The following PLXNA2 variants were observed in gnomAD, a reference collection of about 807,000 sequenced individuals.
The protein encoded by PLXNA2 is plexin A2, also known as plexin-A2.
Under a neutral mutation model 193.5 loss-of-function variants are expected in PLXNA2, and 91 were observed. The ratio of observed to expected loss-of-function variants is 0.47; its 90% confidence interval spans 0.40 to 0.56. The LOEUF is 0.56. PLXNA2 is among the 20% of genes least tolerant of loss of function. The pLI is 0.00. For synonymous variants in PLXNA2, 997 were observed against 1,027.3 expected (o/e 0.97, Z 0.56); for missense variants, 1,995 against 2,503.2 (o/e 0.80, Z 4.33).
chr1:208,131,676 G>A (rs1668159928), intron 4 of PLXNA2, among the ~76,000 whole-genome samples: 1 of 152,202 alleles, frequency 6.6e-6, no homozygotes, highest in Non-Finnish European at 1.5e-5. Flanking sequence ...ACTTGAAACA[G>A]CACCAGAGAA....
Position 208,042,314 on chromosome 1 carries a change from T to G in PLXNA2, c.4070A>C (p.Gln1357Pro), listed in dbSNP as rs765761827. The G allele has an allele frequency of 4.3e-6, 7 of 1,614,210 alleles. No homozygotes were observed. Among genetic ancestry groups the G allele is most frequent in the Middle Eastern group, 1.6e-4 (1 of 6,062 alleles). ...HVEKALKLFA[Q>P]LINNKVFLLT... Reference sequence around the variant, plus strand: ...CAGGAACACCTTGTTGTTGATGAGCTGGGCAAAGAGCTTCAGGGCCTTCTC... The same window carrying G: ...CAGGAACACCTTGTTGTTGATGAGCGGGGCAAAGAGCTTCAGGGCCTTCTC... The change falls in exon 22 of 32, where the codon CAG becomes CCG. Residue 1357 changes from glutamine to proline, a missense_variant. Gln to Pro is a moderately conservative substitution (Grantham distance 76, BLOSUM62 -1). Transcript: ENST00000367033.
At chr1:208,055,295 C>T (rs1218300460) in intron 13 of PLXNA2, among the ~76,000 whole-genome samples, 1 of 152,106 alleles carries the variant, frequency 6.6e-6, no homozygotes, top group African/African-American at 2.4e-5. Flanking sequence ...CTCGAGCAGC[C>T]CAGATCAATA....
chr1:208,043,759 G>A (rs908445427), intron 20 of PLXNA2, among the ~76,000 whole-genome samples: 2 of 152,224 alleles, frequency 1.3e-5, no homozygotes, highest in African/African-American at 4.8e-5. Context: ...TTGCCAGGAG[G>A]AACCTTGGCT....
rs1670898648 is a variant in PLXNA2, at chr1:208,210,374, G to A, written c.1277C>T (p.Thr426Ile). 6.2e-7 allele frequency: 1 copy of A among 1,613,924 alleles called. No homozygotes were observed. The highest frequency in any genetic ancestry group is 1.7e-5 in the Admixed American group (1 of 59,998). Residue 426 changes from threonine (T) to isoleucine (I), a missense_variant, in exon 3 of 32, where the codon ACC becomes ATC. Physicochemically the swap from Thr to Ile is moderately conservative, Grantham distance 89 (BLOSUM62 -1). Around this residue, in one of 3 missense-constraint regions of PLXNA2, gnomAD observed 702 missense variants for 812.9 expected, o/e 0.86. Transcript: ENST00000367033. ...AGAGGTCATGCGGTCCCTGCTGGTG[G>A]TGTACAGGGTCAGGCCCTCCACTGG... Reference protein sequence around the residue: ...STPVEGLTLYTTSRDRMTSVA... With the variant: ...STPVEGLTLYITSRDRMTSVA...
At position 208,051,155 on chromosome 1, in the gene PLXNA2, G is replaced by A. The variant is rs1014138139; in HGVS notation, c.3162-53C>T. On this transcript the variant is annotated intron_variant, in intron 16 of 31. Coordinates refer to ENST00000367033, the MANE Select transcript of PLXNA2 (RefSeq NM_025179.4). ...TAAAAAACCCCCTCAAATCTGGCATGGTGAACCTCCACCTTAGGGATCCCT... is the reference window on the plus strand; with the variant it reads ...TAAAAAACCCCCTCAAATCTGGCATAGTGAACCTCCACCTTAGGGATCCCT... 4 of 1,594,680 alleles carry A rather than the reference G, an allele frequency of 2.5e-6. No homozygotes were observed. The South Asian group carries it at 4.4e-5, about 18-fold the overall frequency.
chr1:208,049,288 A>G (rs980366332), intron 17 of PLXNA2, among the ~76,000 whole-genome samples: 7 of 145,726 alleles, frequency 4.8e-5, no homozygotes, highest in African/African-American at 1.8e-4. Context: ...ATTTTAAAAC[A>G]TGTACCTAAT....
intron 3 of PLXNA2, among the ~76,000 whole-genome samples, chr1:208,165,834 G>A (rs1432994836): frequency 6.6e-6 from 1 of 152,114 alleles, no homozygotes; most frequent in Non-Finnish European, 1.5e-5. Flanking sequence ...CAGGACATCT[G>A]GGTCTCATTT....
In PLXNA2 at chr1:208,065,739, G is replaced by C. The variant is rs368812671; in HGVS notation, c.2587-4902C>G. ...CCCGAAGCCTGAGCTTGGGCAGGGA[G>C]TAGTGATGCCGCCAGAGCAGGGCCC... On this transcript the variant is annotated intron_variant, in intron 12 of 31. Coordinates refer to ENST00000367033, the MANE Select transcript of PLXNA2 (RefSeq NM_025179.4). 2.3e-4 allele frequency among the ~76,000 whole-genome samples: 35 copies of C among 152,352 alleles called. 1 individual carries two copies. In the East Asian group the frequency reaches 6.7e-3, roughly 29 times the overall value.
chr1:208,233,603 C>T (rs1341782934), intron 1 of PLXNA2, among the ~76,000 whole-genome samples: 1 of 152,234 alleles, frequency 6.6e-6, no homozygotes, highest in Non-Finnish European at 1.5e-5. Flanking sequence ...CTCCCAGGTG[C>T]ATGGTGTGCA....
intron 1 of PLXNA2, chr1:208,230,212 TTC>T (rs1396055954): frequency 6.6e-6 from 1 of 152,128 alleles, no homozygotes; most frequent in Non-Finnish European, 1.5e-5. Flanking sequence ...ACTCCGAGGG[TTC>T]TGTTTTAGCT....
intron 2 of PLXNA2, among the ~76,000 whole-genome samples, chr1:208,215,539 G>A (rs911805788): frequency 1.5e-5 from 2 of 133,892 alleles, no homozygotes; most frequent in African/African-American, 5.1e-5. Context: ...ATGGATGAAG[G>A]GATGGAGGAA....
At chr1:208,203,063 AAGG>A (rs2102586400) in intron 3 of PLXNA2, among the ~76,000 whole-genome samples, 1 of 152,336 alleles carries the variant, frequency 6.6e-6, no homozygotes, top group African/African-American at 2.4e-5. Flanking sequence ...ATGGTCAAGC[AAGG>A]AGATGTGCTG....
At position 208,038,958 on chromosome 1, in the gene PLXNA2, G is replaced by A. The variant is rs1274126534; in HGVS notation, c.4527C>T (p.Asn1509=). The change falls in exon 25 of 32, where the codon AAC becomes AAT. Residue 1509 remains asparagine (N), a synonymous_variant. Coordinates refer to ENST00000367033, the MANE Select transcript of PLXNA2 (RefSeq NM_025179.4). The surrounding 1 kb of genome is among the most constrained non-coding windows in gnomAD (Gnocchi z 4.1). ...TLILNCVNPD[N]ENSPEIPVKV... is the part of the protein sequence containing the mutation. Reference sequence around the variant, plus strand: ...TCACTGGGATCTCTGGACTGTTCTCGTTGTCAGGGTTGACGCAGTTCAGGA... The same window carrying A: ...TCACTGGGATCTCTGGACTGTTCTCATTGTCAGGGTTGACGCAGTTCAGGA... 7.6e-5 allele frequency: 123 copies of A among 1,613,856 alleles called. No individual in the cohort carries two copies. Among genetic ancestry groups the A allele is most frequent in the Non-Finnish European group, 1.0e-4 (122 of 1,179,962 alleles).
At chr1:208,111,514 G>C (rs1217730882) in intron 4 of PLXNA2, among the ~76,000 whole-genome samples, 1 of 152,134 alleles carries the variant, frequency 6.6e-6, no homozygotes, top group African/African-American at 2.4e-5. Flanking sequence ...GAAGTTTTCT[G>C]TCCCGGTCTT....
chr1:208,144,336 G>A (rs992653749), intron 3 of PLXNA2, among the ~76,000 whole-genome samples: 1 of 152,198 alleles, frequency 6.6e-6, no homozygotes, highest in African/African-American at 2.4e-5. Flanking sequence ...AGGGGAGTGG[G>A]AGAAGAGCTT....
At chr1:208,052,496 T>G in intron 14 of PLXNA2, 33 bp from the exon 15 acceptor site, 1 of 1,610,304 alleles carries the variant, frequency 6.2e-7, no homozygotes, top group African/African-American at 1.3e-5. Context: ...GACTACAGCT[T>G]AGGTTTTCTC....
At chr1:208,126,491 A>G (rs1030905767) in intron 4 of PLXNA2, among the ~76,000 whole-genome samples, 2 of 152,164 alleles carry the variant, frequency 1.3e-5, no homozygotes, top group African/African-American at 2.4e-5. Flanking sequence ...AAGATGTTCA[A>G]TTTGTTTGTT....
At chr1:208,199,371 G>A (rs1004025109) in intron 3 of PLXNA2, among the ~76,000 whole-genome samples, 3 of 152,192 alleles carry the variant, frequency 2.0e-5, no homozygotes, top group Non-Finnish European at 2.9e-5. Flanking sequence ...TAGAGAGGCC[G>A]AGGTCAGTCT....
In PLXNA2 at chr1:208,042,808, T is replaced by C. The variant is rs139332268; in HGVS notation, c.4017+253A>G. On this transcript the variant is annotated intron_variant, in intron 21 of 31. Coordinates refer to ENST00000367033, the MANE Select transcript of PLXNA2 (RefSeq NM_025179.4). ...AAATCCATTTTAGAATGAGGCAGGA[T>C]CTTAGTTAATTAGTTCAGTCATTAA... Among the ~76,000 whole-genome samples, 462 of 152,300 alleles carry C rather than the reference T, an allele frequency of 3.0e-3. 1 individual carries two copies. The highest frequency in any genetic ancestry group is 4.9e-3 in the Non-Finnish European group (332 of 68,020).
Sources: allele counts gnomAD v4.1 joint callset (sites outside exome capture counted in the v4.1 genomes callset), GRCh38; gene constraint gnomAD v4.1.1; regional missense constraint gnomAD v4.1.1; non-coding constraint Gnocchi (gnomAD v3.1); transcripts MANE v1.5; gene names NCBI Gene and HGNC (gene_info 2026-07-23, HGNC 2026-07-21).